Variants in LRRC20 observed in about 807,000 individuals in gnomAD.
The protein encoded by LRRC20 is leucine-rich repeat-containing protein 20.
In LRRC20, 11 loss-of-function variants were observed where a neutral mutation model predicts 14.4. That is an observed-to-expected ratio of 0.77 (90% CI 0.48 to 1.27). LRRC20 has a LOEUF of 1.27. Among genes scored for constraint, LRRC20 ranks in the 50% most tolerant of loss-of-function variants. LRRC20 has a pLI of 0.00. For missense variants in LRRC20, 219 were observed against 251.2 expected, an observed-to-expected ratio of 0.87 and a Z score of 0.87; for synonymous variants, 121 against 107.3, an observed-to-expected ratio of 1.13 and a Z score of -0.79.
intron 2 of LRRC20, among the ~76,000 whole-genome samples, chr10:70,354,014 G>A (rs995862087): frequency 6.6e-6 from 1 of 152,192 alleles, no homozygotes; most frequent in Non-Finnish European, 1.5e-5. Flanking sequence ...CTTACTGTCT[G>A]TGGGACCTTG....
At chr10:70,363,640 C>A (rs140075431) in intron 2 of LRRC20, among the ~76,000 whole-genome samples, 159 of 152,290 alleles carry the variant, frequency 1.0e-3, no homozygotes, top group African/African-American at 3.7e-3. Flanking sequence ...AGCTCAAAAA[C>A]CAAAGGTGTC....
intron 2 of LRRC20, among the ~76,000 whole-genome samples, chr10:70,371,127 G>A (rs1179065391): frequency 6.6e-6 from 1 of 151,948 alleles, no homozygotes; most frequent in Non-Finnish European, 1.5e-5. Flanking sequence ...TGGATCTGAA[G>A]AGAAACTAGA....
At chr10:70,340,823 C>G (rs1842889043) in intron 2 of LRRC20, 121 bp from the exon 3 acceptor site, 3 of 1,026,964 alleles carry the variant, frequency 2.9e-6, no homozygotes, top group Admixed American at 4.3e-5. Context: ...TCCCACCTGT[C>G]TCCCCAGGAC....
At chr10:70,361,014 C>A (rs987847901) in intron 2 of LRRC20, among the ~76,000 whole-genome samples, 2 of 148,712 alleles carry the variant, frequency 1.3e-5, no homozygotes, top group South Asian at 2.1e-4. Context: ...CATGCCACTG[C>A]ACCCGACTGG....
chr10:70,366,331 G>A (rs1844000427), intron 2 of LRRC20, among the ~76,000 whole-genome samples: 1 of 151,398 alleles, frequency 6.6e-6, no homozygotes, highest in Non-Finnish European at 1.5e-5. Flanking sequence ...GCTGAGGCAG[G>A]AGAATCACTT....
At chr10:70,380,201 G>A (rs532253626) in intron 1 of LRRC20, among the ~76,000 whole-genome samples, 1 of 152,290 alleles carries the variant, frequency 6.6e-6, no homozygotes, top group South Asian at 2.1e-4. Context: ...CACAGGTACA[G>A]GAACAGAAAC....
rs933859728 is a variant in LRRC20 at position 70,300,974 on chromosome 10, G to A, written c.*380C>T. On this transcript the variant is annotated 3_prime_UTR_variant, in exon 5 of 5. Transcript: ENST00000446961. Reference sequence around the variant, plus strand: ...AGGGGCTCAGAAAATACCTGGCAATGCCCACCTGTGCCTGCTGATCTGGAG... The same window carrying A: ...AGGGGCTCAGAAAATACCTGGCAATACCCACCTGTGCCTGCTGATCTGGAG... The A allele has an allele frequency of 5.9e-6, 6 of 1,011,752 alleles. No individual in the cohort carries two copies. The highest frequency in any genetic ancestry group is 7.1e-6 in the Non-Finnish European group (6 of 847,968). 62.7% of individuals were successfully genotyped at this position (1,011,752 alleles called of 1,614,324 possible). A position where few individuals can be genotyped will look rare whatever the true frequency, so the allele number is the denominator to read the frequency against.
intron 3 of LRRC20, among the ~76,000 whole-genome samples, chr10:70,336,866 CT>C (rs1196965857): frequency 6.6e-6 from 1 of 152,180 alleles, no homozygotes; most frequent in African/African-American, 2.4e-5. Flanking sequence ...AGAGCTAAGA[CT>C]TGAGGAAGAG....
Position 70,300,574 on chromosome 10 carries a change from C to T in LRRC20, c.*780G>A. ...CAGGTGTAACTGACTCTGCTGTTCT[C>T]TGGGCCACCTCTCCCGCAGCTCAGG... is the stretch of plus-strand genomic sequence containing the variant. On this transcript the variant is annotated 3_prime_UTR_variant, in exon 5 of 5. Coordinates refer to ENST00000446961, the MANE Select transcript of LRRC20 (RefSeq NM_001278212.2). The T allele has an allele frequency of 1.0e-6, 1 of 985,560 alleles. No individual in the cohort carries two copies. Among genetic ancestry groups the T allele is most frequent in the South Asian group, 4.7e-5 (1 of 21,288 alleles). 61.1% of individuals were successfully genotyped at this position (985,560 alleles called of 1,614,324 possible).
At chr10:70,361,433 G>A (rs562017757) in intron 2 of LRRC20, among the ~76,000 whole-genome samples, 1 of 152,310 alleles carries the variant, frequency 6.6e-6, no homozygotes, top group South Asian at 2.1e-4. Flanking sequence ...AAAACAAAAC[G>A]GTATAATGGG....
chr10:70,353,494 T>C (rs1377371365), intron 2 of LRRC20, among the ~76,000 whole-genome samples: 2 of 151,962 alleles, frequency 1.3e-5, no homozygotes, highest in Non-Finnish European at 2.9e-5. Context: ...CTCGGCTCAC[T>C]GCAACCTCCG....
chr10:70,321,718 G>C (rs61858214), intron 4 of LRRC20, among the ~76,000 whole-genome samples: 24,085 of 152,180 alleles, frequency 0.16, 1,983 homozygotes, highest in Middle Eastern at 0.31. Flanking sequence ...TCTGTCCCAG[G>C]CTGAACTGAT....
intron 2 of LRRC20, among the ~76,000 whole-genome samples, chr10:70,374,596 G>T (rs546087151): frequency 6.6e-6 from 1 of 151,942 alleles, no homozygotes; most frequent in Non-Finnish European, 1.5e-5. Flanking sequence ...CACCTGCTTC[G>T]GCCTCCCAAA....
intron 2 of LRRC20, among the ~76,000 whole-genome samples, chr10:70,352,817 T>C (rs1843362804): frequency 6.6e-6 from 1 of 151,284 alleles, no homozygotes; most frequent in African/African-American, 2.5e-5. Context: ...GTTCAGTAGC[T>C]TTAAGTATAT....
intron 2 of LRRC20, among the ~76,000 whole-genome samples, chr10:70,342,093 G>A (rs1842936547): frequency 6.6e-6 from 1 of 152,008 alleles, no homozygotes; most frequent in Non-Finnish European, 1.5e-5. Context: ...GAGGCCAGGA[G>A]TTTGAGACCA....
At chr10:70,324,604 G>T (rs1842247712) in intron 3 of LRRC20, among the ~76,000 whole-genome samples, 1 of 152,260 alleles carries the variant, frequency 6.6e-6, no homozygotes, top group South Asian at 2.1e-4. Flanking sequence ...AGGGACCTGT[G>T]TGGGAAGGCA....
chr10:70,354,444 C>T (rs1030649417), intron 2 of LRRC20, among the ~76,000 whole-genome samples: 1 of 152,174 alleles, frequency 6.6e-6, no homozygotes, highest in Non-Finnish European at 1.5e-5. Context: ...TCTCCAAGGG[C>T]ATCAGCATCA....
chr10:70,331,115 T>G (rs1842522279), intron 3 of LRRC20, among the ~76,000 whole-genome samples: 1 of 152,178 alleles, frequency 6.6e-6, no homozygotes, highest in South Asian at 2.1e-4. Context: ...TGGAGAGAGA[T>G]TCCTATGACT....
At position 70,370,245 on chromosome 10, in the gene LRRC20, G is replaced by A. The variant is rs75626593; in HGVS notation, c.82+6207C>T. ...CAGGGCTGAGACATTAACAGAAGACGTGCTTCTAGGCTGGTCACACTCAGG... is the reference window on the plus strand; with the variant it reads ...CAGGGCTGAGACATTAACAGAAGACATGCTTCTAGGCTGGTCACACTCAGG... On this transcript the variant is annotated intron_variant, in intron 2 of 4. Coordinates refer to ENST00000446961, the MANE Select transcript of LRRC20 (RefSeq NM_001278212.2). Among the ~76,000 whole-genome samples, 420 of 152,228 alleles carry A rather than the reference G, an allele frequency of 2.8e-3. 2 individuals are homozygous for A. Among genetic ancestry groups the A allele is most frequent in the African/African-American group, 9.6e-3 (398 of 41,530 alleles).
Sources: allele counts gnomAD v4.1 joint callset (sites outside exome capture counted in the v4.1 genomes callset), GRCh38; gene constraint gnomAD v4.1.1; transcripts MANE v1.5; gene names NCBI Gene and HGNC (gene_info 2026-07-23, HGNC 2026-07-21).